Variants in LOXHD1 observed in about 807,000 individuals in gnomAD.
LOXHD1 encodes lipoxygenase homology PLAT domains 1.
Under a neutral mutation model 248.2 loss-of-function variants are expected in LOXHD1, and 205 were observed. The observed-to-expected ratio is 0.83, with a 90% CI of 0.74 to 0.93. The LOEUF is 0.93. Among genes scored for constraint, LOXHD1 ranks in the 40% least tolerant of loss-of-function variants. The pLI is 0.00. For synonymous variants in LOXHD1, 1,113 were observed against 1,162.8 expected, an observed-to-expected ratio of 0.96 and a Z score of 0.87; for missense variants, 2,930 against 2,971.6, an observed-to-expected ratio of 0.99 and a Z score of 0.33.
chr18:46,578,546 T>C (rs904263925), intron 13 of LOXHD1, among the ~76,000 whole-genome samples: 1 of 54,816 alleles, frequency 1.8e-5, no homozygotes, highest in Admixed American at 1.3e-4. Context: ...CCTGCTCAGA[T>C]TATTTTTTGC....
At chr18:46,499,962 C>T (rs2034121017) in intron 37 of LOXHD1, among the ~76,000 whole-genome samples, 1 of 152,002 alleles carries the variant, frequency 6.6e-6, no homozygotes. Context: ...ATTGACACAC[C>T]ACATCTTGGG....
At position 46,533,114 on chromosome 18, in the gene LOXHD1, G is replaced by A. The variant is rs980070212; in HGVS notation, c.4375+48C>T. 9.7e-6 allele frequency: 15 copies of A among 1,545,362 alleles called. No homozygotes were observed. The African/African-American group carries it at 1.9e-4, about 20-fold the overall frequency. ...CAGGGCATGTGCTCAGGAGGACCAGGGTCCTGGAGCCTTCCCATGGTGATG... is the reference window on the plus strand; with the variant it reads ...CAGGGCATGTGCTCAGGAGGACCAGAGTCCTGGAGCCTTCCCATGGTGATG... On this transcript the variant is annotated intron_variant, in intron 28 of 40. Transcript: ENST00000642948.
rs905272824 is a variant in LOXHD1, at chr18:46,643,332, G to T, written c.246-1296C>A. ...GCTTGCTGCAGGTACCTTAGGAAGG[G>T]AGGGAGGAAGCAGGGCAAAGTGCCC... is the stretch of plus-strand genomic sequence containing the variant. On this transcript the variant is annotated intron_variant, in intron 2 of 40. Coordinates refer to ENST00000642948, the MANE Select transcript of LOXHD1 (RefSeq NM_001384474.1). Among the ~76,000 whole-genome samples, 6 of 152,322 alleles carry T rather than the reference G, an allele frequency of 3.9e-5. 1 individual carries two copies. Among genetic ancestry groups the T allele is most frequent in the Admixed American group, 3.3e-4 (5 of 15,306 alleles).
chr18:46,534,511 G>T, intron 26 of LOXHD1, 60 bp from the exon 27 acceptor site: 2 of 1,241,220 alleles, frequency 1.6e-6, no homozygotes, highest in South Asian at 1.3e-5. Context: ...GTATGGCCTT[G>T]GCAACATCCT....
Position 46,541,770 on chromosome 18 carries a change from T to C in LOXHD1, c.3913+6A>G. 6.4e-7 allele frequency: 1 copy of C among 1,551,688 alleles called. No individual in the cohort carries two copies. The highest frequency in any genetic ancestry group is 2.4e-5 in the East Asian group (1 of 40,904). Reference sequence around the variant, plus strand: ...AAGGGCTGGCCTTGCCGTGTGTGGTTCCTACATGGTGTGTACAGCCTCGTC... The same window carrying C: ...AAGGGCTGGCCTTGCCGTGTGTGGTCCCTACATGGTGTGTACAGCCTCGTC... On this transcript the variant is annotated splice_donor_region_variant and intron_variant, in intron 25 of 40. Transcript: ENST00000642948.
intron 13 of LOXHD1, 24 bp downstream of exon 13, chr18:46,579,606 G>A: frequency 6.4e-7 from 1 of 1,551,668 alleles, no homozygotes; most frequent in Non-Finnish European, 8.7e-7. Context: ...AAGGGGATGA[G>A]TGGGGCACAT....
At chr18:46,560,600 C>T in intron 18 of LOXHD1, 55 bp from the exon 19 acceptor site, 3 of 1,437,892 alleles carry the variant, frequency 2.1e-6, no homozygotes, top group Non-Finnish European at 2.8e-6. Context: ...CCCCAACGCC[C>T]CCAACACCCC....
At chr18:46,607,352 T>C (rs2038432018) in intron 6 of LOXHD1, among the ~76,000 whole-genome samples, 1 of 149,146 alleles carries the variant, frequency 6.7e-6, no homozygotes, top group African/African-American at 2.5e-5. Flanking sequence ...TACATATACA[T>C]ACATATATAC....
At chr18:46,562,369 G>C (rs1019120040) in intron 18 of LOXHD1, among the ~76,000 whole-genome samples, 8 of 152,182 alleles carry the variant, frequency 5.3e-5, no homozygotes, top group African/African-American at 1.7e-4. Context: ...ACATATATCT[G>C]CACATGCACA....
At chr18:46,509,495 A>G (rs1045283151) in intron 35 of LOXHD1, 11 of 622,504 alleles carry the variant, frequency 1.8e-5, no homozygotes, top group Non-Finnish European at 3.3e-5. Context: ...CAGTTGCTTC[A>G]GTTCTCACTG....
At chr18:46,544,793 G>C (rs1255499381) in intron 23 of LOXHD1, 1 of 471,242 alleles carries the variant, frequency 2.1e-6, no homozygotes, top group Admixed American at 2.3e-5. Context: ...CCATGGTCAA[G>C]GGTTAGGTCC....
chr18:46,515,569 C>T (rs538974529), intron 34 of LOXHD1, among the ~76,000 whole-genome samples: 1 of 152,282 alleles, frequency 6.6e-6, no homozygotes, highest in Admixed American at 6.5e-5. Flanking sequence ...AATTTAGATA[C>T]TTCCAGAAAC....
chr18:46,592,540 C>T lies in LOXHD1; in HGVS notation c.1476G>A (p.Trp492Ter), dbSNP rs369682197. Residue 492 changes from tryptophan (W) to a stop codon, truncating the protein, a stop_gained, in exon 11 of 41, where the codon TGG becomes TGA. Transcript: ENST00000642948. LOFTEE classifies it high-confidence loss of function. ...DLGRFYKIRV[W>*]HDKRSSGSGW... ...CAGAACCAGAACTCCTTTTATCATG[C>T]CATACTCGAATCTTATAAAACCTGC... 1.3e-6 allele frequency: 2 copies of T among 1,551,642 alleles called. No homozygotes were observed. The highest frequency in any genetic ancestry group is 1.7e-6 in the Non-Finnish European group (2 of 1,146,958).
chr18:46,540,407 C>G (rs993108217), intron 25 of LOXHD1, among the ~76,000 whole-genome samples: 1 of 152,136 alleles, frequency 6.6e-6, no homozygotes, highest in Non-Finnish European at 1.5e-5. Context: ...GGTGCTCAAC[C>G]AATAACAGAG....
chr18:46,559,404 C>T, intron 20 of LOXHD1, 44 bp downstream of exon 20: 1 of 1,551,688 alleles, frequency 6.4e-7, no homozygotes, highest in Non-Finnish European at 8.7e-7. Context: ...CAGAGGGCAC[C>T]AAACCCACAG....
chr18:46,497,452 G>A (rs1021422242), intron 37 of LOXHD1, among the ~76,000 whole-genome samples: 3 of 152,158 alleles, frequency 2.0e-5, no homozygotes, highest in African/African-American at 7.2e-5. Context: ...GTCTGGATAT[G>A]TGTGCAATTA....
In LOXHD1 at chr18:46,521,134, T is replaced by C. The variant is rs2035557420; in HGVS notation, c.5234A>G (p.Asp1745Gly). ...RGDGITSRVF[D>G]LLDAMVVNIG... is the part of the protein sequence containing the mutation. Reference sequence around the variant, plus strand: ...GTTCACCACCATGGCATCCAAGAGGTCGAAGACACGGGAGGTGATGCCGTC... The same window carrying C: ...GTTCACCACCATGGCATCCAAGAGGCCGAAGACACGGGAGGTGATGCCGTC... Residue 1745 changes from aspartate to glycine, a missense_variant, in exon 33 of 41, where the codon GAC (aspartate) becomes GGC (glycine). Coordinates refer to ENST00000642948, the MANE Select transcript of LOXHD1 (RefSeq NM_001384474.1). 2.6e-6 allele frequency: 4 copies of C among 1,551,112 alleles called. No homozygotes were observed. The highest frequency in any genetic ancestry group is 3.5e-6 in the Non-Finnish European group (4 of 1,146,906).
Position 46,509,700 on chromosome 18 carries a change from T to C in LOXHD1, c.5515A>G (p.Arg1839Gly). Residue 1839 changes from arginine to glycine, a missense_variant and splice_region_variant, in exon 35 of 41, where the codon AGG (arginine) becomes GGG (glycine). Physicochemically the swap from Arg to Gly is moderately radical, Grantham distance 125. Transcript: ENST00000642948. The stretch of plus-strand genomic sequence containing the variant: ...GAGTGAGGGTCTAGACATTTTACCC[T>C]CTCCAGGAACCACTCCGGCCGACTG... ...LGSRPEWFLE[R>G]ILLKNMNTGD... 6.5e-7 allele frequency: 1 copy of C among 1,550,260 alleles called. No individual in the cohort carries two copies. Among genetic ancestry groups the C allele is most frequent in the Non-Finnish European group, 8.7e-7 (1 of 1,145,798 alleles).
chr18:46,485,308 G>A (rs866365778), intron 38 of LOXHD1, among the ~76,000 whole-genome samples, 157 bp from the exon 39 acceptor site: 2 of 152,056 alleles, frequency 1.3e-5, no homozygotes, highest in South Asian at 4.2e-4. Context: ...TTGAGGCGTT[G>A]TAGGTAGAAT....
Sources: gnomAD v4.1 joint callset for allele counts (sites outside exome capture counted in the v4.1 genomes callset) on GRCh38, gnomAD v4.1.1 for gene constraint, MANE v1.5 for transcripts, NCBI Gene and HGNC (gene_info 2026-07-23, HGNC 2026-07-21) for gene names.